Variants in CCPG1 observed in about 807,000 individuals in gnomAD.
The protein encoded by CCPG1 is cell cycle progression protein 1.
A neutral mutation model predicts 81.3 loss-of-function variants in CCPG1; 46 were observed. The ratio of observed to expected loss-of-function variants is 0.57; its 90% CI spans 0.45 to 0.72. The LOEUF (loss-of-function observed/expected upper bound fraction) is 0.72. Ranked by LOEUF, CCPG1 falls within the 30% of genes least tolerant of loss-of-function variation. The probability of loss-of-function intolerance (pLI) is 0.00; values close to 1 mark genes in which losing one functional copy is unlikely to be tolerated. For missense variants in CCPG1, 902 were observed against 937.6 expected (o/e 0.96, Z 0.50); for synonymous variants, 330 against 305.2 (o/e 1.08, Z -0.85).
At chr15:55,364,308 T>TA (rs932435008) in intron 7 of CCPG1, among the ~76,000 whole-genome samples, 23 of 148,578 alleles carry the variant, frequency 1.5e-4, no homozygotes, top group South Asian at 2.2e-4. Flanking sequence ...TCCATCAGAA[T>TA]AAAAAAAAAC....
intron 7 of CCPG1, 117 bp from the exon 8 acceptor site, chr15:55,361,061 C>A (rs1305883176): frequency 2.2e-5 from 24 of 1,109,240 alleles, no homozygotes; most frequent in East Asian, 2.8e-5. Flanking sequence ...CAGATACAAC[C>A]CCCCGGGTAG....
chr15:55,370,457 G>A (rs1031959721), intron 6 of CCPG1, among the ~76,000 whole-genome samples: 1 of 152,144 alleles, frequency 6.6e-6, no homozygotes, highest in Non-Finnish European at 1.5e-5. Flanking sequence ...CAAAGTTCAG[G>A]TTTCAAATAC....
intron 3 of CCPG1, among the ~76,000 whole-genome samples, chr15:55,383,764 C>G (rs1415813318): frequency 6.6e-6 from 1 of 152,228 alleles, no homozygotes; most frequent in East Asian, 1.9e-4. Flanking sequence ...CTTTCTACAG[C>G]TTCTTAACCA....
At position 55,372,900 on chromosome 15, in the gene CCPG1, T is replaced by C. The variant is rs115010895; in HGVS notation, c.455-856A>G. 1,928 of 531,482 alleles carry C rather than the reference T, an allele frequency of 3.6e-3. 19 individuals carry two copies. Among genetic ancestry groups the C allele is most frequent in the African/African-American group, 0.024 (1,257 of 51,858 alleles). 32.9% of individuals were successfully genotyped at this position (531,482 alleles called of 1,614,324 possible). The stretch of plus-strand genomic sequence containing the variant: ...CAACCTAATTAGCCCATGATCAAGG[T>C]TCAAAGCACTGTATTTTAACATAGG... On this transcript the variant is annotated intron_variant, in intron 5 of 8. Coordinates refer to ENST00000442196, the MANE Select transcript of CCPG1 (RefSeq NM_001204450.2).
At chr15:55,379,050 A>C (rs1047020089) in intron 3 of CCPG1, among the ~76,000 whole-genome samples, 2 of 151,496 alleles carry the variant, frequency 1.3e-5, no homozygotes, top group African/African-American at 4.9e-5. Context: ...AATTCTTAAA[A>C]GTTTATTCGA....
chr15:55,398,823 G>T (rs1035758148), intron 1 of CCPG1, among the ~76,000 whole-genome samples: 1 of 152,010 alleles, frequency 6.6e-6, no homozygotes, highest in South Asian at 2.1e-4. Context: ...CTCATGATCC[G>T]CCTGCCTTGG....
intron 1 of CCPG1, among the ~76,000 whole-genome samples, chr15:55,399,536 C>G (rs2057086914): frequency 6.6e-6 from 1 of 151,874 alleles, no homozygotes; most frequent in East Asian, 1.9e-4. Flanking sequence ...TTAAAGTGAG[C>G]CAAGATTGTG....
At chr15:55,379,161 CGTGTGTGTGTGT>C (rs57640801) in intron 3 of CCPG1, among the ~76,000 whole-genome samples, 3 of 134,680 alleles carry the variant, frequency 2.2e-5, no homozygotes, top group East Asian at 2.0e-4. Context: ...TGTATATGTA[CGTGTGTGTGTGT>C]GTGTGTGTGT....
chr15:55,400,286 G>A (rs1371368887), intron 1 of CCPG1, among the ~76,000 whole-genome samples: 6 of 149,186 alleles, frequency 4.0e-5, no homozygotes, highest in South Asian at 2.1e-4. Context: ...CGAAGTGGGC[G>A]GATCACGAGG....
intron 7 of CCPG1, among the ~76,000 whole-genome samples, chr15:55,363,486 A>C (rs1263020659): frequency 6.6e-6 from 1 of 150,778 alleles, no homozygotes; most frequent in African/African-American, 2.4e-5. Context: ...GTGAAGAAGA[A>C]AATGGCATCT....
intron 3 of CCPG1, among the ~76,000 whole-genome samples, chr15:55,381,660 T>A (rs2056698645): frequency 6.6e-6 from 1 of 152,228 alleles, no homozygotes; most frequent in Admixed American, 6.5e-5. Context: ...TTTTTTCTCC[T>A]GAGGGGAAAT....
chr15:55,381,898 A>G (rs1399954566), intron 3 of CCPG1, among the ~76,000 whole-genome samples: 1 of 152,244 alleles, frequency 6.6e-6, no homozygotes, highest in Non-Finnish European at 1.5e-5. Context: ...CCAATGTAAT[A>G]AAGCAAGTCA....
rs1424795627 is a variant in CCPG1 at position 55,403,062 on chromosome 15, ATT to A, written c.-10+5157_-10+5158del. Among the ~76,000 whole-genome samples the A allele has an allele frequency of 3.9e-5, 6 of 152,186 alleles. No homozygotes were observed. In the East Asian group the frequency reaches 1.2e-3, roughly 29 times the overall value. ...TCATCAAACTTCCCAGTCAAAAAGT[ATT>A]TATCACATCAAGGCATCACACTTCA... is the stretch of plus-strand genomic sequence containing the variant. On this transcript the variant is annotated intron_variant, in intron 1 of 8. Transcript: ENST00000442196.
chr15:55,360,818 T>C lies in CCPG1; in HGVS notation c.955A>G (p.Lys319Glu), dbSNP rs377275276. 1.4e-5 allele frequency: 23 copies of C among 1,612,132 alleles called. No homozygotes were observed. In the African/African-American group the frequency reaches 2.4e-4, roughly 17 times the overall value. Residue 319 changes from lysine (K) to glutamate (E), a missense_variant, in exon 8 of 9, where the codon AAA becomes GAA. This residue lies in a region of CCPG1 where 746 missense variants were observed against 728.6 expected (regional missense o/e 1.02). Coordinates refer to ENST00000442196, the MANE Select transcript of CCPG1 (RefSeq NM_001204450.2). ...YLRVSLEKEEKALSSLQEELN... is the reference protein window; with the variant it reads ...YLRVSLEKEEEALSSLQEELN... Reference sequence around the variant, plus strand: ...TCTTCCTGTAATGAGGATAAGGCTTTTTCTTCCTTCTCCAAGGATACTCTT... The same window carrying C: ...TCTTCCTGTAATGAGGATAAGGCTTCTTCTTCCTTCTCCAAGGATACTCTT...
At position 55,359,587 on chromosome 15, in the gene CCPG1, A is replaced by G. The variant is rs574826171; in HGVS notation, c.2186T>C (p.Ile729Thr). The change falls in exon 8 of 9, where the codon ATA becomes ACA. Residue 729 changes from isoleucine (I) to threonine (T), a missense_variant. This residue lies in a region of CCPG1 where 128 missense variants were observed against 161.2 expected (regional missense o/e 0.79). Transcript: ENST00000442196. The part of the protein sequence containing the change: ...DGVFEKLDEY[I>T]YRHFFGHTFS... ...AGTGTGACCAAAGAAGTGTCTATAT[A>G]TATATTCATCCAACTTCTCAAATAC... 13 of 1,613,172 alleles carry G rather than the reference A, an allele frequency of 8.1e-6. No individual in the cohort carries two copies. The Admixed American group carries it at 1.2e-4, about 14-fold the overall frequency.
Position 55,390,354 on chromosome 15 carries a change from C to T in CCPG1, c.-9-921G>A, listed in dbSNP as rs534344421. 4.5e-4 allele frequency among the ~76,000 whole-genome samples: 68 copies of T among 152,304 alleles called. 1 individual carries two copies. In the South Asian group the frequency reaches 8.7e-3, roughly 19 times the overall value. On this transcript the variant is annotated intron_variant, in intron 1 of 8. Coordinates refer to ENST00000442196, the MANE Select transcript of CCPG1 (RefSeq NM_001204450.2). ...CAACAACCTGGACTCAAGCCCTAAG[C>T]CAGCATACAATGGTCACTCCACCTG... is the stretch of plus-strand genomic sequence containing the variant.
intron 1 of CCPG1, among the ~76,000 whole-genome samples, chr15:55,398,912 A>AT (rs2057073952): frequency 1.3e-5 from 2 of 152,128 alleles, no homozygotes; most frequent in African/African-American, 4.8e-5. Context: ...TTTTTGTCTA[A>AT]TAAACATATG....
Position 55,372,153 on chromosome 15 carries a change from G to A in CCPG1, c.455-109C>T, listed in dbSNP as rs909644801. 10 of 1,079,624 alleles carry A rather than the reference G, an allele frequency of 9.3e-6. No individual in the cohort carries two copies. In the Admixed American group the frequency reaches 2.1e-4, roughly 23 times the overall value. The allele number at this position is 1,079,624 out of a possible 1,614,324, so 66.9% of individuals were successfully genotyped here. On this transcript the variant is annotated intron_variant, in intron 5 of 8. Coordinates refer to ENST00000442196, the MANE Select transcript of CCPG1 (RefSeq NM_001204450.2). ...ATCCCTTACATGCCTTTCTACATAAGATAGCCAAAAACAAAAACCAAACAA... is the reference window on the plus strand; with the variant it reads ...ATCCCTTACATGCCTTTCTACATAAAATAGCCAAAAACAAAAACCAAACAA...
intron 1 of CCPG1, among the ~76,000 whole-genome samples, chr15:55,396,927 G>A (rs1337790034): frequency 1.3e-5 from 2 of 152,268 alleles, no homozygotes; most frequent in African/African-American, 2.4e-5. Flanking sequence ...AAGATAAGCC[G>A]GGCGCGGTGG....
Sources: gnomAD v4.1 joint callset for allele counts (sites outside exome capture counted in the v4.1 genomes callset) on GRCh38, gnomAD v4.1.1 for gene constraint, gnomAD v4.1.1 regional missense constraint, MANE v1.5 for transcripts, NCBI Gene and HGNC (gene_info 2026-07-23, HGNC 2026-07-21) for gene names.